The following APEX2 variants were observed in gnomAD, a reference collection of about 807,000 sequenced individuals.
The protein encoded by APEX2 is apurinic/apyrimidinic endodeoxyribonuclease 2, also known as DNA-(apurinic or apyrimidinic site) endonuclease 2.
A neutral mutation model predicts 16.7 loss-of-function variants in APEX2; 4 were observed. The ratio of observed to expected loss-of-function variants is 0.24; its 90% CI spans 0.12 to 0.55. The LOEUF is 0.55. Ranked by LOEUF, APEX2 falls within the 20% of genes least tolerant of loss-of-function variation. APEX2 has a pLI of 0.94. For synonymous variants in APEX2, 181 were observed against 166.9 expected, an observed-to-expected ratio of 1.08 and a Z score of -0.65; for missense variants, 357 against 433.6, an observed-to-expected ratio of 0.82 and a Z score of 1.57.
rs1337060555 is a variant in APEX2, at chrX:55,007,830, CAA to C, written c.*396_*397del. 1 of 135,970 alleles carries C rather than the reference CAA, an allele frequency of 7.4e-6. No individual in the cohort carries two copies. The highest frequency in any genetic ancestry group is 1.4e-5 in the Non-Finnish European group (1 of 69,665). 11.2% of individuals were successfully genotyped at this position (135,970 alleles called of 1,213,427 possible). ...TAAAGTTGAGTCAGAGAAGCTATCT[CAA>C]TACTTGGTTTGCCGGCTGGCTGTAG... On this transcript the variant is annotated 3_prime_UTR_variant, in exon 6 of 6. Coordinates refer to ENST00000374987, the MANE Select transcript of APEX2 (RefSeq NM_014481.4).
intron 5 of APEX2, 85 bp from the exon 6 acceptor site, chrX:55,006,433 A>G (rs1224606414): frequency 1.2e-6 from 1 of 837,646 alleles, no homozygotes; most frequent in Non-Finnish European, 1.6e-6. Context: ...TATTTGCAAA[A>G]TGCAGCAGTT....
At chrX:55,005,672 A>T (rs1156966578) in intron 5 of APEX2, among the ~76,000 whole-genome samples, 1 of 111,230 alleles carries the variant, frequency 9.0e-6, no homozygotes, top group African/African-American at 3.3e-5. Flanking sequence ...TGCTTGTGTG[A>T]CTATGGCAGC....
chrX:55,006,506 C>T lies in APEX2; in HGVS notation c.640-12C>T, dbSNP rs778186956. 7 of 1,100,192 alleles carry T rather than the reference C, an allele frequency of 6.4e-6. No individual in the cohort carries two copies. The East Asian group carries it at 2.2e-4, about 35-fold the overall frequency. The allele number at this position is 1,100,192 out of a possible 1,213,427, so 90.7% of individuals were successfully genotyped here. A position where few individuals can be genotyped will look rare whatever the true frequency, so the allele number is the denominator to read the frequency against. ...TCTCTCTCTCTTCCAACCCCCTTTC[C>T]TCCTCACCTAGGAATGCTTTGAAGA... On this transcript the variant is annotated splice_polypyrimidine_tract_variant and intron_variant, in intron 5 of 5. Coordinates refer to ENST00000374987, the MANE Select transcript of APEX2 (RefSeq NM_014481.4).
chrX:55,007,424 A>C lies in APEX2; in HGVS notation c.1546A>C (p.Arg516=), dbSNP rs780848102. Residue 516 remains arginine (R), a synonymous_variant, in exon 6 of 6, where the codon AGG becomes CGG. Coordinates refer to ENST00000374987, the MANE Select transcript of APEX2 (RefSeq NM_014481.4). ...SSRCNFFLWS[R]PS is the part of the protein sequence containing the mutation. ...CCGGTGCAACTTCTTCCTCTGGAGCAGGCCCAGCTGAACCAATGGAGGCCT... is the reference window on the plus strand; with the variant it reads ...CCGGTGCAACTTCTTCCTCTGGAGCCGGCCCAGCTGAACCAATGGAGGCCT... 1.2e-5 allele frequency: 14 copies of C among 1,160,112 alleles called. No individual in the cohort carries two copies. The African/African-American group carries it at 2.0e-4, about 16-fold the overall frequency.
In APEX2 at chrX:55,002,976, A is replaced by C; in HGVS notation, c.437A>C (p.Lys146Thr). ...CTTTTCTCCAGCACATGGGAAGGTA[A>C]GGAGAAGACCTTGACCCTAATCAAC... The part of the protein sequence containing the change: ...TQHKIRTWEG[K>T]EKTLTLINVY... Residue 146 changes from lysine (K) to threonine (T), a missense_variant, in exon 4 of 6, where the codon AAG becomes ACG. Coordinates refer to ENST00000374987, the MANE Select transcript of APEX2 (RefSeq NM_014481.4). 1 of 1,208,519 alleles carries C rather than the reference A, an allele frequency of 8.3e-7. No homozygotes were observed. The highest frequency in any genetic ancestry group is 3.0e-5 in the East Asian group (1 of 33,716).
At chrX:55,002,552 C>G in intron 3 of APEX2, 121 bp downstream of exon 3, 1 of 871,688 alleles carries the variant, frequency 1.1e-6, no homozygotes, top group Non-Finnish European at 1.6e-6. Flanking sequence ...TTTGCCTTTC[C>G]TGGTTTAGTC....
intron 5 of APEX2, among the ~76,000 whole-genome samples, chrX:55,005,084 T>A (rs1239817078): frequency 8.9e-6 from 1 of 111,878 alleles, no homozygotes; most frequent in Non-Finnish European, 1.9e-5. Context: ...ATTCCTTGAT[T>A]AATTCACAGA....
At chrX:55,002,866 C>A in intron 3 of APEX2, 96 bp from the exon 4 acceptor site, 1 of 1,011,600 alleles carries the variant, frequency 9.9e-7, no homozygotes, top group Non-Finnish European at 1.3e-6. Flanking sequence ...TCTTTTCCAT[C>A]CCAGACAGTC....
At position 55,008,936 on chromosome X, in the gene APEX2, CCTGTTGGT is replaced by C. The variant is rs1256083997; in HGVS notation, c.*1502_*1509del. The C allele has an allele frequency of 2.3e-5, 9 of 398,142 alleles. No homozygotes were observed. In the Admixed American group the frequency reaches 4.0e-4, roughly 18 times the overall value. The allele number at this position is 398,142 out of a possible 1,213,427, so 32.8% of individuals were successfully genotyped here. On this transcript the variant is annotated 3_prime_UTR_variant, in exon 6 of 6. Coordinates refer to ENST00000374987, the MANE Select transcript of APEX2 (RefSeq NM_014481.4). ...TCCTTCCTCTTTCTCATTCTGTTTC[CCTGTTGGT>C]AAAATGGAATGGTGACCAACAAGTG...
At chrX:55,002,822 G>A in intron 3 of APEX2, 140 bp from the exon 4 acceptor site, 1 of 663,394 alleles carries the variant, frequency 1.5e-6, no homozygotes, top group Non-Finnish European at 2.2e-6. Flanking sequence ...CAAGTCCTGT[G>A]CATGCCAGAT....
chrX:55,007,470 C>T lies in APEX2; in HGVS notation c.*35C>T, dbSNP rs1282261966. ...GGCCTGGGGACATCTGGCATGGTCA[C>T]CCCTGCACATGATCTGAGGCCAGCT... On this transcript the variant is annotated 3_prime_UTR_variant, in exon 6 of 6. Coordinates refer to ENST00000374987, the MANE Select transcript of APEX2 (RefSeq NM_014481.4). 4.5e-6 allele frequency: 5 copies of T among 1,105,443 alleles called. No homozygotes were observed. The South Asian group carries it at 7.0e-5, about 15-fold the overall frequency. 91.1% of individuals were successfully genotyped at this position (1,105,443 alleles called of 1,213,427 possible). A position where few individuals can be genotyped will look rare whatever the true frequency, so the allele number is the denominator to read the frequency against.
In APEX2 at chrX:55,007,834, A is replaced by G. The variant is rs1223466831; in HGVS notation, c.*399A>G. ...GTTGAGTCAGAGAAGCTATCTCAAT[A>G]CTTGGTTTGCCGGCTGGCTGTAGCC... On this transcript the variant is annotated 3_prime_UTR_variant, in exon 6 of 6. Coordinates refer to ENST00000374987, the MANE Select transcript of APEX2 (RefSeq NM_014481.4). The G allele has an allele frequency of 7.5e-6, 1 of 132,847 alleles. No homozygotes were observed. The highest frequency in any genetic ancestry group is 2.1e-4 in the East Asian group (1 of 4,780). 10.9% of individuals were successfully genotyped at this position (132,847 alleles called of 1,213,427 possible).
At chrX:55,000,662 C>A (rs1935426208) in intron 1 of APEX2, 83 bp downstream of exon 1, 1 of 1,051,442 alleles carries the variant, frequency 9.5e-7, no homozygotes, top group Admixed American at 3.5e-5. Context: ...ATTTTACTTT[C>A]CCAGTTTCCT....
At chrX:55,003,157 C>T (rs1935465735) in intron 4 of APEX2, 49 bp downstream of exon 4, 1 of 1,188,371 alleles carries the variant, frequency 8.4e-7, no homozygotes, top group African/African-American at 1.8e-5. Flanking sequence ...TCCTGGGTGC[C>T]CAGCCCTGTG....
intron 3 of APEX2, 111 bp from the exon 4 acceptor site, chrX:55,002,851 C>G: frequency 2.3e-6 from 2 of 877,569 alleles, no homozygotes; most frequent in Non-Finnish European, 3.2e-6. Context: ...TCTCTTTAAC[C>G]CCTTTCTTTT....
At chrX:55,006,392 C>A in intron 5 of APEX2, 126 bp from the exon 6 acceptor site, 1 of 434,484 alleles carries the variant, frequency 2.3e-6, no homozygotes, top group Non-Finnish European at 3.6e-6. Context: ...TGACCTTGAG[C>A]AGTAGTCCTC....
In APEX2 at chrX:55,004,443, G is replaced by A. The variant is rs1234525956; in HGVS notation, c.639+575G>A. On this transcript the variant is annotated intron_variant, in intron 5 of 5. Coordinates refer to ENST00000374987, the MANE Select transcript of APEX2 (RefSeq NM_014481.4). ...AGAAGGTGGGGCTGGAGAGTTGTTG[G>A]GGGTCAGATTTCAAGGACTGTGAAT... Among the ~76,000 whole-genome samples, 5 of 112,242 alleles carry A rather than the reference G, an allele frequency of 4.5e-5. No homozygotes were observed. In the Admixed American group the frequency reaches 4.7e-4, roughly 10 times the overall value.
chrX:55,001,757 T>C, intron 2 of APEX2, 128 bp downstream of exon 2: 1 of 506,753 alleles, frequency 2.0e-6, no homozygotes, highest in Non-Finnish European at 3.0e-6. Flanking sequence ...AGCTGCATAA[T>C]AGTAAATTAC....
chrX:55,007,871 T>G lies in APEX2; in HGVS notation c.*436T>G. The stretch of plus-strand genomic sequence containing the variant: ...GGCTGGCTGTAGCCCAATGATGTAA[T>G]TCCCAGAGAAAGGGGAGGAGGGAGG... On this transcript the variant is annotated 3_prime_UTR_variant, in exon 6 of 6. Coordinates refer to ENST00000374987, the MANE Select transcript of APEX2 (RefSeq NM_014481.4). 1 of 119,633 alleles carries G rather than the reference T, an allele frequency of 8.4e-6. No individual in the cohort carries two copies. 9.9% of individuals were successfully genotyped at this position (119,633 alleles called of 1,213,427 possible).
Sources: allele counts gnomAD v4.1 joint callset (sites outside exome capture counted in the v4.1 genomes callset), GRCh38; gene constraint gnomAD v4.1.1; transcripts MANE v1.5; gene names NCBI Gene and HGNC (gene_info 2026-07-23, HGNC 2026-07-21).